TMEM40: variants seen among roughly 807,000 people sequenced by gnomAD.
TMEM40 encodes the protein transmembrane protein 40.
TMEM40 carries 34 observed loss-of-function variants against 40.8 expected under a neutral mutation model. The observed-to-expected ratio is 0.83, with a 90% CI of 0.63 to 1.11. The LOEUF (loss-of-function observed/expected upper bound fraction) is 1.11, where lower values mean the gene tolerates loss of function less well. Ranked by LOEUF, TMEM40 falls within the 50% of genes least tolerant of loss-of-function variation. The pLI is 0.00. For synonymous variants in TMEM40, 106 were observed against 107.0 expected, an observed-to-expected ratio of 0.99 and a Z score of 0.06; for missense variants, 296 against 280.2, an observed-to-expected ratio of 1.06 and a Z score of -0.40.
chr3:12,735,201 C>A (rs1055611926), intron 11 of TMEM40, among the ~76,000 whole-genome samples: 5 of 152,138 alleles, frequency 3.3e-5, no homozygotes, highest in Admixed American at 3.3e-4. Flanking sequence ...TGCTATTAGG[C>A]AAGTACAGCC....
chr3:12,742,559 G>A, intron 4 of TMEM40, 52 bp from the exon 5 acceptor site: 1 of 1,592,400 alleles, frequency 6.3e-7, no homozygotes, highest in Non-Finnish European at 8.6e-7. Flanking sequence ...AGTGATCCAG[G>A]CCACTTCCCT....
At chr3:12,760,721 T>C (rs994484908), upstream of TMEM40, among the ~76,000 whole-genome samples, 1 of 152,098 alleles carries the variant, frequency 6.6e-6, no homozygotes, top group Non-Finnish European at 1.5e-5. Flanking sequence ...CCTAGGATCA[T>C]GTCTGACAGT....
Position 12,734,660 on chromosome 3 carries a change from G to T in TMEM40, c.*114C>A. On this transcript the variant is annotated 3_prime_UTR_variant, in exon 12 of 12. Transcript: ENST00000314124. ...TGGAAGGAAAAGTGTTCTGTTTATT[G>T]GTCTGGCTTGGTCTCCTGTGCGTCT... 1 of 1,192,822 alleles carries T rather than the reference G, an allele frequency of 8.4e-7. No homozygotes were observed. Among genetic ancestry groups the T allele is most frequent in the Non-Finnish European group, 1.2e-6 (1 of 836,570 alleles). 73.9% of individuals were successfully genotyped at this position (1,192,822 alleles called of 1,614,324 possible). A position where few individuals can be genotyped will look rare whatever the true frequency, so the allele number is the denominator to read the frequency against.
intron 2 of TMEM40, among the ~76,000 whole-genome samples, chr3:12,749,316 G>A (rs1163122854): frequency 2.6e-5 from 4 of 152,130 alleles, no homozygotes; most frequent in Non-Finnish European, 4.4e-5. Context: ...GAGCCGCCGC[G>A]CCCGGCCAGA....
chr3:12,753,180 T>G (rs1411427160), intron 1 of TMEM40, among the ~76,000 whole-genome samples: 1 of 151,532 alleles, frequency 6.6e-6, no homozygotes, highest in Non-Finnish European at 1.5e-5. Context: ...CACATTTTTC[T>G]TTTTTGCCTT....
chr3:12,763,613 G>A (rs2061582283), upstream of TMEM40, among the ~76,000 whole-genome samples: 2 of 152,218 alleles, frequency 1.3e-5, no homozygotes, highest in Non-Finnish European at 2.9e-5. Context: ...CAGCAGGCAT[G>A]GGTGTTCTGG....
At position 12,735,480 on chromosome 3, in the gene TMEM40, T is replaced by C. The variant is rs1018501335; in HGVS notation, c.682+75A>G. 4 of 1,468,342 alleles carry C rather than the reference T, an allele frequency of 2.7e-6. No homozygotes were observed. The African/African-American group carries it at 5.6e-5, about 21-fold the overall frequency. The allele number at this position is 1,468,342 out of a possible 1,614,324, so 91.0% of individuals were successfully genotyped here. Reference sequence around the variant, plus strand: ...TGCCTCCAGGCTGTGTTCTTTCCTGTATGCTAAGCCTCTTTCTAAATGAAG... The same window carrying C: ...TGCCTCCAGGCTGTGTTCTTTCCTGCATGCTAAGCCTCTTTCTAAATGAAG... On this transcript the variant is annotated intron_variant, in intron 11 of 11. Coordinates refer to ENST00000314124, the MANE Select transcript of TMEM40 (RefSeq NM_018306.4).
At chr3:12,755,226 TCTCTCTC>T (rs1559533291) in intron 1 of TMEM40, among the ~76,000 whole-genome samples, 40 of 91,362 alleles carry the variant, frequency 4.4e-4, no homozygotes, top group African/African-American at 2.5e-3. Flanking sequence ...TCTCTCTCTC[TCTCTCTC>T]TCTTTCTTTC....
At chr3:12,749,657 C>T (rs1276622858) in intron 2 of TMEM40, 103 bp downstream of exon 2, 2 of 967,382 alleles carry the variant, frequency 2.1e-6, no homozygotes, top group African/African-American at 1.6e-5. Flanking sequence ...TGATTTGAGG[C>T]CCTGTGCAAC....
chr3:12,735,661 A>G, intron 10 of TMEM40, 44 bp from the exon 11 acceptor site: 1 of 1,564,872 alleles, frequency 6.4e-7, no homozygotes, highest in Non-Finnish European at 8.8e-7. Flanking sequence ...TTGTGCCCCA[A>G]CAAGGGACAC....
intron 1 of TMEM40, among the ~76,000 whole-genome samples, chr3:12,752,892 C>T (rs2061489810): frequency 6.6e-6 from 1 of 152,126 alleles, no homozygotes; most frequent in Non-Finnish European, 1.5e-5. Context: ...TAAGCCCATG[C>T]TGGGAGACTA....
intron 1 of TMEM40, among the ~76,000 whole-genome samples, chr3:12,764,283 A>G (rs1376635114): frequency 6.6e-6 from 1 of 152,190 alleles, no homozygotes; most frequent in African/African-American, 2.4e-5. Context: ...TAAAGCATCT[A>G]TTAAATTAAC....
At chr3:12,749,675 G>T in intron 2 of TMEM40, 85 bp downstream of exon 2, 1 of 1,255,418 alleles carries the variant, frequency 8.0e-7, no homozygotes, top group South Asian at 1.3e-5. Context: ...AACGTGAGTT[G>T]AGCAGGGTCT....
intron 1 of TMEM40, among the ~76,000 whole-genome samples, chr3:12,754,711 G>A (rs1272331537): frequency 6.6e-6 from 1 of 152,100 alleles, no homozygotes; most frequent in East Asian, 1.9e-4. Flanking sequence ...GGATGTAGCA[G>A]GTACAGAGAC....
At chr3:12,747,418 T>C (rs2061437792) in intron 3 of TMEM40, among the ~76,000 whole-genome samples, 1 of 152,194 alleles carries the variant, frequency 6.6e-6, no homozygotes, top group South Asian at 2.1e-4. Flanking sequence ...ATAATAATAG[T>C]ACCTTCCTTT....
At chr3:12,739,937 C>A (rs1414397991) in intron 5 of TMEM40, among the ~76,000 whole-genome samples, 1 of 150,650 alleles carries the variant, frequency 6.6e-6, no homozygotes, top group Non-Finnish European at 1.5e-5. Context: ...AATCTTCCTG[C>A]CTCAGCCTCC....
At chr3:12,735,675 G>A in intron 10 of TMEM40, 58 bp from the exon 11 acceptor site, 1 of 1,464,862 alleles carries the variant, frequency 6.8e-7, no homozygotes, top group Non-Finnish European at 9.5e-7. Flanking sequence ...GGGACACCAG[G>A]CCACCACTGG....
Position 12,738,568 on chromosome 3 carries a change from G to A in TMEM40, c.376C>T (p.Pro126Ser). The A allele has an allele frequency of 5.6e-6, 9 of 1,613,992 alleles. No individual in the cohort carries two copies. The highest frequency in any genetic ancestry group is 7.6e-6 in the Non-Finnish European group (9 of 1,179,980). The change falls in exon 6 of 12, where the codon CCC becomes TCC. Residue 126 changes from proline to serine, a missense_variant. Coordinates refer to ENST00000314124, the MANE Select transcript of TMEM40 (RefSeq NM_018306.4). ...GGACACTCACCTGATTCCCCAGAGG[G>A]TACCACCTCTCCAGGAGCATCTGCA... ...LYGDAPGEVV[P>S]SGESGLRRRG... is the part of the protein sequence containing the mutation.
At chr3:12,742,376 T>G in intron 5 of TMEM40, 78 bp downstream of exon 5, 3 of 1,543,990 alleles carry the variant, frequency 1.9e-6, no homozygotes, top group Non-Finnish European at 2.7e-6. Flanking sequence ...ATCACCCTCA[T>G]GACCTTGTTT....
Sources: gnomAD v4.1 joint callset for allele counts (sites outside exome capture counted in the v4.1 genomes callset) on GRCh38, gnomAD v4.1.1 for gene constraint, MANE v1.5 for transcripts, NCBI Gene and HGNC (gene_info 2026-07-23, HGNC 2026-07-21) for gene names.